CDH22: variants seen among roughly 807,000 people sequenced by gnomAD.
The protein encoded by CDH22 is cadherin 22, also known as cadherin-22.
A neutral mutation model predicts 58.4 loss-of-function variants in CDH22; 30 were observed. The observed-to-expected ratio is 0.51, with a 90% CI of 0.38 to 0.70. CDH22 has a LOEUF of 0.70. Among genes scored for constraint, CDH22 ranks in the 30% least tolerant of loss-of-function variants. The pLI is 0.00. For synonymous variants in CDH22, 513 were observed against 558.2 expected (o/e 0.92, Z 1.14); for missense variants, 1,014 against 1,233.9 (o/e 0.82, Z 2.67).
intron 8 of CDH22, among the ~76,000 whole-genome samples, chr20:46,187,564 A>T (rs991338050): frequency 9.2e-5 from 14 of 151,758 alleles, no homozygotes; most frequent in African/African-American, 3.1e-4. Flanking sequence ...CATCACCATC[A>T]CTACCCTCAC....
chr20:46,307,696 G>A (rs2059030148), intron 1 of CDH22, among the ~76,000 whole-genome samples: 1 of 152,002 alleles, frequency 6.6e-6, no homozygotes, highest in Non-Finnish European at 1.5e-5. Context: ...GTCAGCCTCC[G>A]GGTGTCCCCG....
intron 1 of CDH22, among the ~76,000 whole-genome samples, chr20:46,298,122 G>A (rs1438120977): frequency 6.6e-6 from 1 of 152,156 alleles, no homozygotes; most frequent in Admixed American, 6.5e-5. Flanking sequence ...TGATCAATAA[G>A]GTTGTCCTCC....
chr20:46,177,225 C>T (rs1200968049), intron 11 of CDH22, among the ~76,000 whole-genome samples: 1 of 152,208 alleles, frequency 6.6e-6, no homozygotes, highest in African/African-American at 2.4e-5. Context: ...TTGGACCTCC[C>T]TTGAGCTCCT....
intron 3 of CDH22, among the ~76,000 whole-genome samples, chr20:46,231,763 T>C (rs2086221866): frequency 1.3e-5 from 2 of 152,206 alleles, no homozygotes; most frequent in African/African-American, 4.8e-5. Context: ...CGCATCTCCA[T>C]GGAGACTGGG....
intron 5 of CDH22, among the ~76,000 whole-genome samples, 165 bp from the exon 6 acceptor site, chr20:46,213,353 T>C (rs2086058728): frequency 6.6e-6 from 1 of 152,232 alleles, no homozygotes; most frequent in South Asian, 2.1e-4. Flanking sequence ...GAATGTCCCC[T>C]GCAGAAGTTT....
chr20:46,200,637 G>A (rs542619113), intron 7 of CDH22, among the ~76,000 whole-genome samples: 1 of 152,104 alleles, frequency 6.6e-6, no homozygotes, highest in African/African-American at 2.4e-5. Context: ...GGCAGAGACC[G>A]GGAGTGTGGG....
At chr20:46,291,616 C>T (rs1343287991) in intron 1 of CDH22, among the ~76,000 whole-genome samples, 1 of 152,220 alleles carries the variant, frequency 6.6e-6, no homozygotes, top group Non-Finnish European at 1.5e-5. Flanking sequence ...GAGATAGGTG[C>T]TCTTGTTACG....
At chr20:46,233,856 T>C (rs934840404) in intron 3 of CDH22, among the ~76,000 whole-genome samples, 1 of 152,240 alleles carries the variant, frequency 6.6e-6, no homozygotes, top group African/African-American at 2.4e-5. Flanking sequence ...CAAGGAGATA[T>C]TGCACGTATA....
At chr20:46,248,260 A>G (rs1600715718) in intron 2 of CDH22, among the ~76,000 whole-genome samples, 4 of 152,274 alleles carry the variant, frequency 2.6e-5, no homozygotes, top group South Asian at 4.1e-4. Flanking sequence ...GGGCAGATGA[A>G]GGCGTGAGTC....
intron 8 of CDH22, among the ~76,000 whole-genome samples, chr20:46,192,286 G>A (rs909811282): frequency 2.6e-5 from 4 of 152,156 alleles, no homozygotes; most frequent in Admixed American, 6.5e-5. Flanking sequence ...CCATGGCCAC[G>A]CTCCAGGAGG....
At chr20:46,305,530 G>A (rs1005691153) in intron 1 of CDH22, among the ~76,000 whole-genome samples, 57 of 152,128 alleles carry the variant, frequency 3.7e-4, no homozygotes, top group Non-Finnish European at 7.9e-4. Context: ...CCTTGGCCCC[G>A]GGGCCTCAGC....
intron 1 of CDH22, among the ~76,000 whole-genome samples, chr20:46,301,003 C>T (rs1468753893): frequency 2.0e-5 from 3 of 152,078 alleles, no homozygotes; most frequent in South Asian, 2.1e-4. Flanking sequence ...AATGGCAAGA[C>T]ATTCACAATA....
chr20:46,238,324 C>G (rs921684479), intron 3 of CDH22, among the ~76,000 whole-genome samples: 1 of 152,186 alleles, frequency 6.6e-6, no homozygotes, highest in African/African-American at 2.4e-5. Flanking sequence ...CAGGGACTTG[C>G]TGTGTGACCT....
chr20:46,175,086 G>T lies in CDH22; in HGVS notation c.1916-9C>A, dbSNP rs372587520. 4 of 1,575,712 alleles carry T rather than the reference G, an allele frequency of 2.5e-6. No homozygotes were observed. The African/African-American group carries it at 5.5e-5, about 22-fold the overall frequency. On this transcript the variant is annotated splice_polypyrimidine_tract_variant and intron_variant, in intron 11 of 11. Transcript: ENST00000537909. ...GATCAGCAGCACCAGCACTGCGAGG[G>T]GGACAGAGGGGGCAACTGAGGGCCA... is the stretch of plus-strand genomic sequence containing the variant.
At position 46,251,230 on chromosome 20, in the gene CDH22, AG is replaced by A; in HGVS notation, c.64del (p.Leu22CysfsTer51). 6.8e-7 allele frequency: 1 copy of A among 1,473,806 alleles called. No homozygotes were observed. 91.3% of individuals were successfully genotyped at this position (1,473,806 alleles called of 1,614,324 possible). On this transcript the variant is annotated frameshift_variant, in exon 2 of 12. Transcript: ENST00000537909. LOFTEE classifies it high-confidence loss of function. The surrounding 1 kb of genome is among the most constrained non-coding windows in gnomAD (Gnocchi z 6.7). ...CGGCGGCGGCGGCAGCAGCAGCAGC[AG>A]CAGTAGCGCGGGGGACAGCGCGACT... ...AGVALSPALL[L>X]LLLLPPPPTL...
At chr20:46,302,002 T>C (rs1287030255) in intron 1 of CDH22, among the ~76,000 whole-genome samples, 1 of 152,198 alleles carries the variant, frequency 6.6e-6, no homozygotes, top group East Asian at 1.9e-4. Flanking sequence ...TGTATTAGCA[T>C]GGTCCAGCTC....
intron 1 of CDH22, among the ~76,000 whole-genome samples, chr20:46,255,167 G>A (rs1342341737): frequency 2.6e-5 from 4 of 152,122 alleles, no homozygotes; most frequent in Admixed American, 6.5e-5. Flanking sequence ...GATTACAGGT[G>A]CATGTCACCA....
intron 1 of CDH22, among the ~76,000 whole-genome samples, chr20:46,256,787 G>A (rs2086408670): frequency 6.6e-6 from 1 of 152,148 alleles, no homozygotes; most frequent in South Asian, 2.1e-4. Flanking sequence ...GATTCCTTGA[G>A]GCCAGGGGTT....
chr20:46,261,569 G>A (rs974294603), intron 1 of CDH22, among the ~76,000 whole-genome samples: 13 of 152,176 alleles, frequency 8.5e-5, no homozygotes, highest in East Asian at 1.9e-4. Flanking sequence ...CACTTCTCCC[G>A]GCACACCTGG....
Sources: allele counts gnomAD v4.1 joint callset (sites outside exome capture counted in the v4.1 genomes callset), GRCh38; gene constraint gnomAD v4.1.1; non-coding constraint Gnocchi (gnomAD v3.1); transcripts MANE v1.5; gene names NCBI Gene and HGNC (gene_info 2026-07-23, HGNC 2026-07-21).